Variants in RARS1 observed in about 807,000 individuals in gnomAD.
RARS1 encodes the protein arginyl-tRNA synthetase 1.
Under a neutral mutation model 78.7 loss-of-function variants are expected in RARS1, and 75 were observed. The observed-to-expected ratio is 0.95, with a 90% CI of 0.79 to 1.15. The LOEUF (loss-of-function observed/expected upper bound fraction) is 1.15, where lower values mean the gene tolerates loss of function less well. RARS1 is among the 50% of genes most tolerant of loss of function. RARS1 has a pLI of 0.00. For synonymous variants in RARS1, 273 were observed against 268.2 expected (o/e 1.02, Z -0.18); for missense variants, 787 against 787.5 (o/e 1.00, Z 0.01).
At chr5:168,505,789 A>C (rs1035571779) in intron 9 of RARS1, among the ~76,000 whole-genome samples, 1 of 151,656 alleles carries the variant, frequency 6.6e-6, no homozygotes, top group Non-Finnish European at 1.5e-5. Flanking sequence ...AGAACATCTG[A>C]CCTGTGCTCT....
intron 12 of RARS1, 75 bp downstream of exon 12, chr5:168,510,761 G>C (rs1419694196): frequency 3.3e-5 from 36 of 1,094,308 alleles, no homozygotes; most frequent in Non-Finnish European, 4.5e-5. Context: ...TGAGAGAACT[G>C]AGGAGAAGTG....
chr5:168,504,602 G>A lies in RARS1; in HGVS notation c.1058-1419G>A, dbSNP rs189516406. 2.0e-3 allele frequency among the ~76,000 whole-genome samples: 301 copies of A among 151,900 alleles called. 1 individual carries two copies. The highest frequency in any genetic ancestry group is 0.01 in the Middle Eastern group (3 of 294). ...AGCACTTTGGGAGGCCGAGGCAGGC[G>A]GATCACGAGGTCATGAGTTGAGACC... On this transcript the variant is annotated intron_variant, in intron 9 of 14. Transcript: ENST00000231572.
In RARS1 at chr5:168,494,636, GGA is replaced by G; in HGVS notation, c.570_571del (p.Asn191Ter). The G allele has an allele frequency of 6.3e-7, 1 of 1,591,168 alleles. No individual in the cohort carries two copies. The highest frequency in any genetic ancestry group is 8.6e-7 in the Non-Finnish European group (1 of 1,159,430). ...GAATGGAGTTCAACTACCTGCTCTG[GGA>G]GAGAATAAAAAGGTATATGTACACT... The part of the protein sequence containing the change: ...LVNGVQLPAL[G>X]ENKKVIVDFS... On this transcript the variant is annotated frameshift_variant, in exon 5 of 15. Transcript: ENST00000231572. LOFTEE classifies it high-confidence loss of function.
rs138664961 is a variant in RARS1, at chr5:168,519,119, T to A, written c.1912T>A (p.Cys638Ser). ...LKVNMWRMLL[C>S]EAVAAVMAKG... ...GGTGAACATGTGGCGTATGCTGCTA[T>A]GTGAAGCAGTAGCTGCTGTCATGGC... is the stretch of plus-strand genomic sequence containing the variant. Residue 638 changes from cysteine (C) to serine (S), a missense_variant, in exon 15 of 15, where the codon TGT (cysteine) becomes AGT (serine). By Grantham distance (112) the Cys-to-Ser change is moderately radical. Transcript: ENST00000231572. 5.3e-5 allele frequency: 85 copies of A among 1,614,128 alleles called. 1 individual carries two copies. In the Middle Eastern group the frequency reaches 1.8e-3, roughly 35 times the overall value.
Position 168,518,071 on chromosome 5 carries a change from C to CTTTTTTTTTTTTTTTTTTGTTTTT in RARS1, c.1873+27_1873+28insGTTTTTTTTTTTTTTTTTTTTTTT, listed in dbSNP as rs1758710973. The CTTTTTTTTTTTTTTTTTTGTTTTT allele has an allele frequency of 1.6e-6, 1 of 632,602 alleles. No individual in the cohort carries two copies. The highest frequency in any genetic ancestry group is 1.9e-6 in the Non-Finnish European group (1 of 525,704). The allele number at this position is 632,602 out of a possible 1,614,324, so 39.2% of individuals were successfully genotyped here. A position where few individuals can be genotyped will look rare whatever the true frequency, so the allele number is the denominator to read the frequency against. ...GAAAGATAGACAGACTGGTGAGTGTCTTTTTTTTTTTTTTTTTTTTTTTTA... is the reference window on the plus strand; with the variant it reads ...GAAAGATAGACAGACTGGTGAGTGTCTTTTTTTTTTTTTTTTTTGTTTTTTTTTTTTTTTTTTTTTTTTTTTTTA... On this transcript the variant is annotated intron_variant, in intron 14 of 14. Coordinates refer to ENST00000231572, the MANE Select transcript of RARS1 (RefSeq NM_002887.4).
chr5:168,488,561 AG>A (rs1758016141), intron 1 of RARS1, 40 bp from the exon 2 acceptor site: 2 of 1,570,588 alleles, frequency 1.3e-6, no homozygotes, highest in Non-Finnish European at 1.7e-6. Context: ...GAAATGTGGA[AG>A]TAAGTTTATG....
In RARS1 at chr5:168,518,069, G is replaced by GTATTTTTT; in HGVS notation, c.1873+8_1873+9insATTTTTTT. The stretch of plus-strand genomic sequence containing the variant: ...GAGAAAGATAGACAGACTGGTGAGT[G>GTATTTTTT]TCTTTTTTTTTTTTTTTTTTTTTTT... On this transcript the variant is annotated splice_region_variant and intron_variant, in intron 14 of 14. Coordinates refer to ENST00000231572, the MANE Select transcript of RARS1 (RefSeq NM_002887.4). The GTATTTTTT allele has an allele frequency of 3.0e-6, 2 of 675,652 alleles. No individual in the cohort carries two copies. Among genetic ancestry groups the GTATTTTTT allele is most frequent in the Non-Finnish European group, 3.7e-6 (2 of 533,914 alleles). 41.9% of individuals were successfully genotyped at this position (675,652 alleles called of 1,614,324 possible).
chr5:168,500,692 G>T lies in RARS1; in HGVS notation c.924G>T (p.Trp308Cys). The change falls in exon 8 of 15, where the codon TGG becomes TGT. Residue 308 changes from tryptophan to cysteine, a missense_variant. Physicochemically the swap from Trp to Cys is radical, Grantham distance 215. Coordinates refer to ENST00000231572, the MANE Select transcript of RARS1 (RefSeq NM_002887.4). Reference sequence around the variant, plus strand: ...AAAACCCAGATATTACAAAAGCTTGGAAGCTTATCTGTGATGTCTCCCGCC... The same window carrying T: ...AAAACCCAGATATTACAAAAGCTTGTAAGCTTATCTGTGATGTCTCCCGCC... ...QGKNPDITKAWKLICDVSRQE... is the reference protein window; with the variant it reads ...QGKNPDITKACKLICDVSRQE... The T allele has an allele frequency of 6.2e-7, 1 of 1,610,754 alleles. No homozygotes were observed. Among genetic ancestry groups the T allele is most frequent in the East Asian group, 2.2e-5 (1 of 44,746 alleles).
chr5:168,499,866 A>G (rs955688522), intron 7 of RARS1, among the ~76,000 whole-genome samples: 5 of 152,180 alleles, frequency 3.3e-5, no homozygotes, highest in African/African-American at 9.6e-5. Context: ...AAACAATGAA[A>G]GCAACTTTCG....
rs768077764 is a variant in RARS1, at chr5:168,494,644, T to TA, written c.578dup (p.Val194GlyfsTer4). The TA allele has an allele frequency of 6.4e-7, 1 of 1,566,074 alleles. No individual in the cohort carries two copies. Among genetic ancestry groups the TA allele is most frequent in the Non-Finnish European group, 8.8e-7 (1 of 1,136,846 alleles). ...TTCAACTACCTGCTCTGGGAGAGAATAAAAAGGTATATGTACACTCTTCTA... is the reference window on the plus strand; with the variant it reads ...TTCAACTACCTGCTCTGGGAGAGAATAAAAAAGGTATATGTACACTCTTCTA... On this transcript the variant is annotated frameshift_variant, in exon 5 of 15. Coordinates refer to ENST00000231572, the MANE Select transcript of RARS1 (RefSeq NM_002887.4). LOFTEE classifies it high-confidence loss of function.
At chr5:168,505,908 A>G (rs1196011041) in intron 9 of RARS1, 113 bp from the exon 10 acceptor site, 3 of 929,406 alleles carry the variant, frequency 3.2e-6, no homozygotes, top group Non-Finnish European at 4.8e-6. Flanking sequence ...TCTAATAAAT[A>G]TATTTCAAAA....
intron 8 of RARS1, 71 bp downstream of exon 8, chr5:168,500,791 A>G: frequency 6.6e-7 from 1 of 1,516,616 alleles, no homozygotes; most frequent in Non-Finnish European, 8.9e-7. Context: ...CTTCATTTTG[A>G]TTTGACTTTG....
intron 9 of RARS1, among the ~76,000 whole-genome samples, chr5:168,503,940 T>G (rs1758380405): frequency 6.6e-6 from 1 of 151,686 alleles, no homozygotes; most frequent in East Asian, 1.9e-4. Context: ...AAAGAAGTAG[T>G]TGGGCATGGT....
At chr5:168,495,172 A>G (rs1272013275) in intron 5 of RARS1, 143 bp from the exon 6 acceptor site, 1 of 1,367,024 alleles carries the variant, frequency 7.3e-7, no homozygotes. Context: ...TACGGCCCAA[A>G]TTAATGTTTA....
Position 168,494,008 on chromosome 5 carries a change from A to G in RARS1, c.478+6A>G. On this transcript the variant is annotated splice_donor_region_variant and intron_variant, in intron 4 of 14. Transcript: ENST00000231572. ...AGTTGAAATTGCTGGTCCTGGTATGACATAATGTTATCCTTCTTAATAGTT... is the reference window on the plus strand; with the variant it reads ...AGTTGAAATTGCTGGTCCTGGTATGGCATAATGTTATCCTTCTTAATAGTT... 6.3e-7 allele frequency: 1 copy of G among 1,579,866 alleles called. No individual in the cohort carries two copies. Among genetic ancestry groups the G allele is most frequent in the Non-Finnish European group, 8.7e-7 (1 of 1,149,990 alleles).
rs1487110891 is a variant in RARS1, at chr5:168,488,773, G to T, written c.180+37G>T. 9.0e-6 allele frequency: 14 copies of T among 1,551,260 alleles called. No individual in the cohort carries two copies. The African/African-American group carries it at 1.9e-4, about 21-fold the overall frequency. On this transcript the variant is annotated intron_variant, in intron 2 of 14. Transcript: ENST00000231572. ...GGGTTCCAGTTTTATTCTCCAGTTTGAATCATTATAGCTTTTTTAAAGCCT... is the reference window on the plus strand; with the variant it reads ...GGGTTCCAGTTTTATTCTCCAGTTTTAATCATTATAGCTTTTTTAAAGCCT...
chr5:168,512,781 T>G (rs553306232), intron 12 of RARS1, among the ~76,000 whole-genome samples: 2 of 152,292 alleles, frequency 1.3e-5, no homozygotes, highest in East Asian at 3.9e-4. Flanking sequence ...CCCACCCAAT[T>G]AAGGGTGGGT....
intron 2 of RARS1, among the ~76,000 whole-genome samples, chr5:168,490,940 C>A (rs1273143141): frequency 6.6e-6 from 1 of 151,566 alleles, no homozygotes; most frequent in African/African-American, 2.4e-5. Context: ...AGTTCGAGAC[C>A]AGCCCAGCCA....
chr5:168,516,906 A>T lies in RARS1; in HGVS notation c.1581A>T (p.Arg527Ser). The change falls in exon 13 of 15, where the codon AGA (arginine) becomes AGT (serine). Residue 527 changes from arginine to serine, a missense_variant. Arg to Ser is a moderately radical substitution (Grantham distance 110, BLOSUM62 -1). Transcript: ENST00000231572. ...IFSFDKMLDD[R>S]GNTAAYLLYA... ...CCTTTGACAAAATGCTAGATGACAG[A>T]GGAAATACAGCTGCTTACTTGTTGT... 6.2e-7 allele frequency: 1 copy of T among 1,614,194 alleles called. No individual in the cohort carries two copies. The highest frequency in any genetic ancestry group is 8.5e-7 in the Non-Finnish European group (1 of 1,180,014).
Sources: allele counts gnomAD v4.1 joint callset (sites outside exome capture counted in the v4.1 genomes callset), GRCh38; gene constraint gnomAD v4.1.1; transcripts MANE v1.5; gene names NCBI Gene and HGNC (gene_info 2026-07-23, HGNC 2026-07-21).